Variants in PRKD1 observed in about 807,000 individuals in gnomAD.
The protein encoded by PRKD1 is serine/threonine-protein kinase D1.
Under a neutral mutation model 95.9 loss-of-function variants are expected in PRKD1, and 63 were observed. The observed-to-expected ratio is 0.66, with a 90% CI of 0.54 to 0.81. PRKD1 has a LOEUF of 0.81. Ranked by LOEUF, PRKD1 falls within the 30% of genes least tolerant of loss-of-function variation. PRKD1 has a pLI of 0.00. For missense variants in PRKD1, 1,048 were observed against 1,165.3 expected, an observed-to-expected ratio of 0.90 and a Z score of 1.47; for synonymous variants, 425 against 423.1, an observed-to-expected ratio of 1.00 and a Z score of -0.05.
At chr14:29,618,901 G>A (rs1264076581) in intron 13 of PRKD1, among the ~76,000 whole-genome samples, 1 of 152,118 alleles carries the variant, frequency 6.6e-6, no homozygotes, top group Non-Finnish European at 1.5e-5. Context: ...TTGATCTGAG[G>A]ACCTAGCAGA....
At chr14:29,902,463 T>C (rs989328093) in intron 1 of PRKD1, among the ~76,000 whole-genome samples, 3 of 152,200 alleles carry the variant, frequency 2.0e-5, no homozygotes, top group Admixed American at 6.5e-5. Flanking sequence ...GTTAATTGTG[T>C]AGCTGATGTT....
At chr14:29,762,809 T>C (rs1056663501) in intron 1 of PRKD1, among the ~76,000 whole-genome samples, 2 of 148,522 alleles carry the variant, frequency 1.3e-5, no homozygotes, top group African/African-American at 5.0e-5. Flanking sequence ...AGAGGCACAA[T>C]TTCAGCTCAT....
At chr14:29,852,108 T>C (rs905573401) in intron 1 of PRKD1, among the ~76,000 whole-genome samples, 2 of 151,690 alleles carry the variant, frequency 1.3e-5, no homozygotes, top group African/African-American at 4.8e-5. Context: ...GAAACAAGGG[T>C]TTAAAAACTA....
chr14:29,709,158 G>A (rs1398566439), intron 2 of PRKD1, among the ~76,000 whole-genome samples: 1 of 152,070 alleles, frequency 6.6e-6, no homozygotes, highest in East Asian at 1.9e-4. Context: ...GTCCCATAAA[G>A]TTAGCTTACT....
intron 8 of PRKD1, among the ~76,000 whole-genome samples, chr14:29,633,567 T>C (rs894850099): frequency 6.6e-6 from 1 of 152,230 alleles, no homozygotes; most frequent in East Asian, 1.9e-4. Context: ...CAGGTCCTTC[T>C]ACACTGTAGG....
chr14:29,735,887 T>C lies in PRKD1; in HGVS notation c.265-10213A>G, dbSNP rs45534335. Among the ~76,000 whole-genome samples, 1,356 of 152,332 alleles carry C rather than the reference T, an allele frequency of 8.9e-3. 18 individuals carry two copies. The highest frequency in any genetic ancestry group is 0.032 in the African/African-American group (1,313 of 41,568). On this transcript the variant is annotated intron_variant, in intron 1 of 17. Transcript: ENST00000331968. Reference sequence around the variant, plus strand: ...TCCTAATTGTTATTATGTTTCTTTATAAGGGTGGCTGAGAAGACATTAAAA... The same window carrying C: ...TCCTAATTGTTATTATGTTTCTTTACAAGGGTGGCTGAGAAGACATTAAAA...
intron 1 of PRKD1, among the ~76,000 whole-genome samples, chr14:29,813,097 C>T (rs915982130): frequency 4.0e-5 from 6 of 151,874 alleles, no homozygotes; most frequent in Admixed American, 1.3e-4. Context: ...GCAACAGGAG[C>T]GAAACTCTGT....
chr14:29,589,602 A>G (rs567538605), intron 16 of PRKD1, among the ~76,000 whole-genome samples: 4 of 152,212 alleles, frequency 2.6e-5, no homozygotes, highest in African/African-American at 9.6e-5. Flanking sequence ...ACAGCTCCTG[A>G]GTGAATATTT....
At chr14:29,912,639 T>G (rs2139123585) in intron 1 of PRKD1, among the ~76,000 whole-genome samples, 1 of 152,332 alleles carries the variant, frequency 6.6e-6, no homozygotes, top group African/African-American at 2.4e-5. Context: ...CTTCCAAAAT[T>G]TTCTCTCTCT....
intron 1 of PRKD1, among the ~76,000 whole-genome samples, chr14:29,780,123 T>A (rs551072745): frequency 2.6e-5 from 4 of 151,996 alleles, no homozygotes; most frequent in East Asian, 1.9e-4. Context: ...CTTACACCTT[T>A]TACAAAAATT....
intron 1 of PRKD1, among the ~76,000 whole-genome samples, chr14:29,909,357 C>T (rs1279382579): frequency 5.4e-5 from 8 of 147,472 alleles, no homozygotes; most frequent in Admixed American, 2.1e-4. Context: ...CGCTCCATGG[C>T]GCCCAGTCCC....
intron 1 of PRKD1, among the ~76,000 whole-genome samples, chr14:29,864,629 A>AT (rs1362445438): frequency 6.6e-6 from 1 of 152,172 alleles, no homozygotes; most frequent in Non-Finnish European, 1.5e-5. Context: ...ACAGAAAGAC[A>AT]TAAGAGAGAA....
At chr14:29,803,534 G>GT (rs1174978005) in intron 1 of PRKD1, among the ~76,000 whole-genome samples, 2 of 152,132 alleles carry the variant, frequency 1.3e-5, no homozygotes, top group African/African-American at 4.8e-5. Context: ...AATTGCAACA[G>GT]TTTAAGTAGG....
intron 16 of PRKD1, among the ~76,000 whole-genome samples, chr14:29,584,399 A>T (rs1232659630): frequency 6.6e-6 from 1 of 152,164 alleles, no homozygotes; most frequent in East Asian, 1.9e-4. Context: ...TAAATTCTTA[A>T]TAGGTTCCCC....
intron 2 of PRKD1, among the ~76,000 whole-genome samples, chr14:29,675,724 G>C (rs955163957): frequency 1.3e-5 from 2 of 151,958 alleles, no homozygotes; most frequent in South Asian, 2.1e-4. Flanking sequence ...GACTTGGAAC[G>C]AACCCAAATG....
At chr14:29,798,098 T>G (rs1321857918) in intron 1 of PRKD1, among the ~76,000 whole-genome samples, 1 of 152,232 alleles carries the variant, frequency 6.6e-6, no homozygotes, top group Non-Finnish European at 1.5e-5. Context: ...TTCTAAGTTG[T>G]GAAGATGTCA....
chr14:29,820,920 G>A (rs952913453), intron 1 of PRKD1, among the ~76,000 whole-genome samples: 1 of 152,216 alleles, frequency 6.6e-6, no homozygotes, highest in Non-Finnish European at 1.5e-5. Context: ...CAAACCCACT[G>A]ATTGTGTAGG....
At chr14:29,626,887 G>T (rs1594374172) in intron 11 of PRKD1, among the ~76,000 whole-genome samples, 1 of 151,898 alleles carries the variant, frequency 6.6e-6, no homozygotes, top group African/African-American at 2.4e-5. Context: ...GCTAATTTTT[G>T]TATTTTTAGT....
intron 1 of PRKD1, among the ~76,000 whole-genome samples, chr14:29,909,420 C>G (rs1894622086): frequency 6.6e-6 from 1 of 152,148 alleles, no homozygotes. Flanking sequence ...GACTGACAGG[C>G]AGCTCCACCT....
Sources: allele counts gnomAD v4.1 joint callset (sites outside exome capture counted in the v4.1 genomes callset), GRCh38; gene constraint gnomAD v4.1.1; transcripts MANE v1.5; gene names NCBI Gene and HGNC (gene_info 2026-07-23, HGNC 2026-07-21).